The following UBQLN4 variants were observed in gnomAD, a reference collection of about 807,000 sequenced individuals.
UBQLN4 encodes ubiquilin-4.
Under a neutral mutation model 60.4 loss-of-function variants are expected in UBQLN4, and 11 were observed. That is an observed-to-expected ratio of 0.18 (90% confidence interval 0.11 to 0.30). The LOEUF is 0.30. Among genes scored for constraint, UBQLN4 ranks in the 10% least tolerant of loss-of-function variants. UBQLN4 has a pLI of 1.00. For missense variants in UBQLN4, 417 were observed against 795.5 expected (o/e 0.52, Z 5.72); for synonymous variants, 258 against 313.1 (o/e 0.82, Z 1.86).
intron 10 of UBQLN4, among the ~76,000 whole-genome samples, chr1:156,039,439 G>A (rs539517132): frequency 4.6e-4 from 70 of 150,874 alleles, no homozygotes; most frequent in East Asian, 2.6e-3. Flanking sequence ...TAGTAGAGAC[G>A]GGGTTTCTCC....
intron 4 of UBQLN4, among the ~76,000 whole-genome samples, chr1:156,049,004 G>A (rs1683790892): frequency 2.0e-5 from 3 of 152,192 alleles, no homozygotes; most frequent in African/African-American, 7.2e-5. Context: ...GAAAGGGGAG[G>A]AGGCAGAAGA....
intron 4 of UBQLN4, among the ~76,000 whole-genome samples, chr1:156,049,371 G>T (rs1042260441): frequency 4.6e-5 from 7 of 152,216 alleles, no homozygotes; most frequent in African/African-American, 1.4e-4. Flanking sequence ...GAGAAACACT[G>T]AAGATGGGGG....
rs1683848268 is a variant in UBQLN4 at position 156,050,842 on chromosome 1, G to C, written c.478+268C>G. Among the ~76,000 whole-genome samples the C allele has an allele frequency of 1.3e-5, 2 of 152,012 alleles. No individual in the cohort carries two copies. The highest frequency in any genetic ancestry group is 2.4e-5 in the African/African-American group (1 of 41,370). On this transcript the variant is annotated intron_variant, in intron 3 of 10. Transcript: ENST00000368309. This position sits in a 1 kb window ranked among gnomAD's most constrained non-coding sequence, Gnocchi z 4.6. ...ATCCAACTTTTCCCCAGACTCACAGGGTCTTCCATTCCCTTTACCTAGGGT... is the reference window on the plus strand; with the variant it reads ...ATCCAACTTTTCCCCAGACTCACAGCGTCTTCCATTCCCTTTACCTAGGGT...
chr1:156,044,140 G>T lies in UBQLN4; in HGVS notation c.984C>A (p.Pro328=). ...SQPLRTENRE[P]LPNPWSPSPP... is the part of the protein sequence containing the mutation. ...GCGAGGGGCTCCAGGGGTTAGGGAG[G>T]GGCTCTCGATTCTCAGTCCGCAGAG... The change falls in exon 6 of 11, where the codon CCC becomes CCA. Residue 328 remains proline, a synonymous_variant. Transcript: ENST00000368309. 2 of 1,582,638 alleles carry T rather than the reference G, an allele frequency of 1.3e-6. No individual in the cohort carries two copies. The highest frequency in any genetic ancestry group is 1.7e-6 in the Non-Finnish European group (2 of 1,164,550).
intron 6 of UBQLN4, 26 bp from the exon 7 acceptor site, chr1:156,042,939 A>C (rs1454538619): frequency 6.2e-7 from 1 of 1,610,908 alleles, no homozygotes; most frequent in Admixed American, 1.7e-5. Context: ...AAAAAAGAAA[A>C]CAGGAGAGAA....
chr1:156,053,483 C>T, intron 1 of UBQLN4, 111 bp downstream of exon 1: 1 of 842,708 alleles, frequency 1.2e-6, no homozygotes, highest in Non-Finnish European at 1.6e-6. Context: ...TCCCAGCCGG[C>T]CCCCGCCCTC....
rs1683411069 is a variant in UBQLN4, at chr1:156,036,649, C to T, written c.*329G>A. On this transcript the variant is annotated 3_prime_UTR_variant, in exon 11 of 11. Transcript: ENST00000368309. ...AGTAAACCAGAGAGCTGGTTCCTCCCTCGACTCTGCACAGCCACTGAAAGT... is the reference window on the plus strand; with the variant it reads ...AGTAAACCAGAGAGCTGGTTCCTCCTTCGACTCTGCACAGCCACTGAAAGT... 2 of 1,055,698 alleles carry T rather than the reference C, an allele frequency of 1.9e-6. No individual in the cohort carries two copies. The highest frequency in any genetic ancestry group is 2.3e-6 in the Non-Finnish European group (2 of 873,888). 65.4% of individuals were successfully genotyped at this position (1,055,698 alleles called of 1,614,324 possible).
In UBQLN4 at chr1:156,051,771, G is replaced by A. The variant is rs771005659; in HGVS notation, c.195C>T (p.Asp65=). The stretch of plus-strand genomic sequence containing the variant: ...CCTTGATTCCGTGCTGGTTCAGTGT[G>A]TCCCCATCCTTGAGGATCTTGCCTG... ...IFAGKILKDG[D]TLNQHGIKDG... Residue 65 remains aspartate (D), a synonymous_variant, in exon 2 of 11, where the codon GAC becomes GAT. Transcript: ENST00000368309. The A allele has an allele frequency of 6.2e-7, 1 of 1,614,156 alleles. No individual in the cohort carries two copies. Among genetic ancestry groups the A allele is most frequent in the South Asian group, 1.1e-5 (1 of 91,078 alleles).
intron 5 of UBQLN4, among the ~76,000 whole-genome samples, chr1:156,047,557 C>T (rs1325277339): frequency 6.6e-6 from 1 of 151,202 alleles, no homozygotes; most frequent in Non-Finnish European, 1.5e-5. Context: ...TTTGCATTTT[C>T]AAACATACAA....
chr1:156,051,544 GT>G (rs1683871903), intron 2 of UBQLN4, among the ~76,000 whole-genome samples, 161 bp downstream of exon 2: 1 of 152,114 alleles, frequency 6.6e-6, no homozygotes, highest in African/African-American at 2.4e-5. Context: ...TCTGGGAATG[GT>G]AAATCAGGTT....
chr1:156,035,648 GA>G lies in UBQLN4; in HGVS notation c.*1329del, dbSNP rs1238341533. On this transcript the variant is annotated 3_prime_UTR_variant, in exon 11 of 11. Coordinates refer to ENST00000368309, the MANE Select transcript of UBQLN4 (RefSeq NM_020131.5). ...AACTGAAAGGCCAGGGGCTCTGGAGGAAAAAAACCCTCTACTATTCCCACAA... is the reference window on the plus strand; with the variant it reads ...AACTGAAAGGCCAGGGGCTCTGGAGGAAAAAACCCTCTACTATTCCCACAA... 1.0e-6 allele frequency: 1 copy of G among 982,864 alleles called. No individual in the cohort carries two copies. The highest frequency in any genetic ancestry group is 1.2e-6 in the Non-Finnish European group (1 of 828,254). The allele number at this position is 982,864 out of a possible 1,614,324, so 60.9% of individuals were successfully genotyped here.
At position 156,037,004 on chromosome 1, in the gene UBQLN4, T is replaced by C. The variant is rs1194679535; in HGVS notation, c.1780A>G (p.Arg594Gly). The C allele has an allele frequency of 6.2e-7, 1 of 1,613,980 alleles. No homozygotes were observed. Residue 594 changes from arginine (R) to glycine (G), a missense_variant, in exon 11 of 11, where the codon AGA (arginine) becomes GGA (glycine). By Grantham distance (125) the Arg-to-Gly change is moderately radical. Coordinates refer to ENST00000368309, the MANE Select transcript of UBQLN4 (RefSeq NM_020131.5). ...TAGGAGAGCTGGGAGCCCAGCAGTC[T>C]CTCGATAGCTGCGTTGATGTCCCCT... ...TGGDINAAIE[R>G]LLGSQLS
chr1:156,031,649 G>T (rs1482322334), downstream of UBQLN4, among the ~76,000 whole-genome samples: 2 of 147,924 alleles, frequency 1.4e-5, no homozygotes, highest in Non-Finnish European at 3.0e-5. Flanking sequence ...CACGATCTCA[G>T]CTCACTGCAA....
rs974063270 is a variant in UBQLN4, at chr1:156,053,795, A to G, written c.-94T>C. The G allele has an allele frequency of 3.8e-3, 1,539 of 405,962 alleles. 12 individuals carry two copies. Among genetic ancestry groups the G allele is most frequent in the Non-Finnish European group, 3.2e-3 (899 of 282,196 alleles). The allele number at this position is 405,962 out of a possible 1,614,324, so 25.1% of individuals were successfully genotyped here. On this transcript the variant is annotated 5_prime_UTR_variant, in exon 1 of 11. Transcript: ENST00000368309. ...CCGGCTCGGCTTCTGCGCCTCCAAC[A>G]CTCCCCTCTCTCCACCTCTCCCCTC...
At chr1:156,045,136 C>T (rs1455942023) in intron 5 of UBQLN4, among the ~76,000 whole-genome samples, 2 of 152,200 alleles carry the variant, frequency 1.3e-5, no homozygotes, top group East Asian at 3.8e-4. Context: ...AGCTCTCTTT[C>T]CTGAGTTCCC....
At chr1:156,031,919 CAT>C (rs143346627), downstream of UBQLN4, among the ~76,000 whole-genome samples, 223 of 151,266 alleles carry the variant, frequency 1.5e-3, no homozygotes, top group Non-Finnish European at 2.5e-3. Flanking sequence ...TAAGTTTTGA[CAT>C]ATATATATAT....
chr1:156,041,088 G>A (rs1683549195), intron 10 of UBQLN4, among the ~76,000 whole-genome samples: 1 of 152,190 alleles, frequency 6.6e-6, no homozygotes, highest in South Asian at 2.1e-4. Context: ...GCCTGGGTTT[G>A]AGTCTTGGCT....
chr1:156,050,363 G>A lies in UBQLN4; in HGVS notation c.669C>T (p.Pro223=). 1 of 1,613,168 alleles carries A rather than the reference G, an allele frequency of 6.2e-7. No homozygotes were observed. The highest frequency in any genetic ancestry group is 8.5e-7 in the Non-Finnish European group (1 of 1,179,282). The change falls in exon 4 of 11, where the codon CCC becomes CCT. Residue 223 remains proline (P), a synonymous_variant. Transcript: ENST00000368309. This position sits in a 1 kb window ranked among gnomAD's most constrained non-coding sequence, Gnocchi z 4.6. ...TCCGCTCCATCAACTGCTGCATCTG[G>A]GGGTTGGCCATAATCATGTGACGCA... The part of the protein sequence containing the change: ...DLMRHMIMAN[P]QMQQLMERNP...
At chr1:156,034,133 C>CG (rs1409393027), downstream of UBQLN4, among the ~76,000 whole-genome samples, 1 of 151,362 alleles carries the variant, frequency 6.6e-6, no homozygotes, top group Non-Finnish European at 1.5e-5. Context: ...TCCACAGAAC[C>CG]GTAGTCCATA....
Sources: gnomAD v4.1 joint callset for allele counts (sites outside exome capture counted in the v4.1 genomes callset) on GRCh38, gnomAD v4.1.1 for gene constraint, Gnocchi (gnomAD v3.1) non-coding constraint, MANE v1.5 for transcripts, NCBI Gene and HGNC (gene_info 2026-07-23, HGNC 2026-07-21) for gene names.